NAALADL2: variants seen among roughly 807,000 people sequenced by gnomAD.
NAALADL2 encodes inactive N-acetylated-alpha-linked acidic dipeptidase-like protein 2.
In NAALADL2, 76 loss-of-function variants were observed where a neutral mutation model predicts 87.2. That is an observed-to-expected ratio of 0.87 (90% CI 0.72 to 1.05). The LOEUF is 1.05. Among genes scored for constraint, NAALADL2 ranks in the 50% least tolerant of loss-of-function variants. The pLI is 0.00. For missense variants in NAALADL2, 1,089 were observed against 945.8 expected, an observed-to-expected ratio of 1.15 and a Z score of -1.99; for synonymous variants, 354 against 331.0, an observed-to-expected ratio of 1.07 and a Z score of -0.75.
At chr3:175,071,064 GT>G (rs1715541776) in intron 1 of NAALADL2, among the ~76,000 whole-genome samples, 1 of 152,026 alleles carries the variant, frequency 6.6e-6, no homozygotes, top group African/African-American at 2.4e-5. Context: ...TTCTCTTGAT[GT>G]TACAACAGTG....
intron 1 of NAALADL2, among the ~76,000 whole-genome samples, chr3:174,989,815 G>A (rs1297349006): frequency 1.3e-5 from 2 of 152,090 alleles, no homozygotes; most frequent in East Asian, 3.9e-4. Flanking sequence ...GGATATAGAA[G>A]AACCAGGAAT....
At chr3:175,057,020 G>A (rs1712351480) in intron 1 of NAALADL2, among the ~76,000 whole-genome samples, 1 of 152,142 alleles carries the variant, frequency 6.6e-6, no homozygotes, top group Admixed American at 6.6e-5. Flanking sequence ...GTTCCCAACA[G>A]CATTTTCATT....
At chr3:175,337,927 T>C (rs1762160874) in intron 5 of NAALADL2, among the ~76,000 whole-genome samples, 2 of 152,202 alleles carry the variant, frequency 1.3e-5, no homozygotes, top group Non-Finnish European at 1.5e-5. Flanking sequence ...GACAAGTTAG[T>C]ATAACGAGTA....
At chr3:175,665,926 T>C (rs1357413869) in intron 11 of NAALADL2, among the ~76,000 whole-genome samples, 2 of 147,598 alleles carry the variant, frequency 1.4e-5, no homozygotes, top group East Asian at 4.0e-4. Flanking sequence ...TGGGACTCTG[T>C]CCCCCCCCCA....
upstream of NAALADL2, among the ~76,000 whole-genome samples, chr3:174,854,691 T>G (rs1725648967): frequency 6.6e-6 from 1 of 151,936 alleles, no homozygotes; most frequent in Non-Finnish European, 1.5e-5. Flanking sequence ...AGAATAAAAT[T>G]ATTTTTAAAG....
At chr3:174,817,078 G>T (rs1391362066) in intron 3 of NAALADL2, among the ~76,000 whole-genome samples, 2 of 152,058 alleles carry the variant, frequency 1.3e-5, no homozygotes, top group Non-Finnish European at 1.5e-5. Context: ...TATTTCCTTT[G>T]GTTACTTTGG....
At chr3:174,786,597 AT>A (rs1031879052) in intron 3 of NAALADL2, among the ~76,000 whole-genome samples, 32 of 138,800 alleles carry the variant, frequency 2.3e-4, no homozygotes, top group African/African-American at 6.7e-4. Context: ...TAATACTGAG[AT>A]TTTTTTTGTT....
intron 10 of NAALADL2, among the ~76,000 whole-genome samples, chr3:175,623,972 T>C (rs1165484815): frequency 6.6e-6 from 1 of 151,610 alleles, no homozygotes; most frequent in Non-Finnish European, 1.5e-5. Flanking sequence ...GGGAATATTA[T>C]TATTTTTTTC....
intron 2 of NAALADL2, among the ~76,000 whole-genome samples, chr3:174,723,669 T>C (rs1339981314): frequency 7.3e-6 from 1 of 136,836 alleles, no homozygotes; most frequent in Non-Finnish European, 1.5e-5. Context: ...GGCAGGAGAA[T>C]GGCGTGAAAC....
chr3:175,043,582 T>C (rs1754336593), intron 1 of NAALADL2, among the ~76,000 whole-genome samples: 1 of 152,168 alleles, frequency 6.6e-6, no homozygotes, highest in African/African-American at 2.4e-5. Flanking sequence ...GGATCCAATT[T>C]TAATTTTTTA....
intron 1 of NAALADL2, among the ~76,000 whole-genome samples, chr3:175,077,371 C>T (rs1198868157): frequency 6.6e-6 from 1 of 152,092 alleles, no homozygotes; most frequent in Non-Finnish European, 1.5e-5. Context: ...AGGAAAACAA[C>T]AATAATGTAC....
chr3:175,362,836 C>T (rs1200797715), intron 5 of NAALADL2, among the ~76,000 whole-genome samples: 2 of 147,612 alleles, frequency 1.4e-5, no homozygotes, highest in Non-Finnish European at 3.0e-5. Flanking sequence ...GCATCCATGC[C>T]AACATCTGTT....
intron 2 of NAALADL2, among the ~76,000 whole-genome samples, chr3:174,625,510 A>C (rs1304355101): frequency 6.6e-6 from 1 of 151,980 alleles, no homozygotes; most frequent in Admixed American, 6.6e-5. Context: ...TTTTTGTAAA[A>C]TAACACTAAC....
chr3:175,011,795 C>T (rs1225204940), intron 1 of NAALADL2, among the ~76,000 whole-genome samples: 1 of 152,084 alleles, frequency 6.6e-6, no homozygotes, highest in Non-Finnish European at 1.5e-5. Flanking sequence ...AGTTATGTTC[C>T]CTCCAGTTTT....
chr3:174,889,870 A>C lies in NAALADL2; in HGVS notation c.43+30420A>C, dbSNP rs936527043. On this transcript the variant is annotated intron_variant, in intron 1 of 13. Coordinates refer to ENST00000454872, the MANE Select transcript of NAALADL2 (RefSeq NM_207015.3). Reference sequence around the variant, plus strand: ...AGACAGTCTTCTTAATGCTAAAGCAACTGTGAAATAAGTTTCTTTTCAGTT... The same window carrying C: ...AGACAGTCTTCTTAATGCTAAAGCACCTGTGAAATAAGTTTCTTTTCAGTT... Among the ~76,000 whole-genome samples the C allele has an allele frequency of 7.9e-5, 12 of 152,334 alleles. No individual in the cohort carries two copies. In the East Asian group the frequency reaches 2.1e-3, roughly 27 times the overall value.
chr3:175,072,693 T>TGGGGGGA (rs1215436509), intron 1 of NAALADL2, among the ~76,000 whole-genome samples: 6,522 of 76,626 alleles, frequency 0.085, 329 homozygotes, highest in Admixed American at 0.18. Flanking sequence ...AAAAACGGGG[T>TGGGGGGA]GGGGGGAGGG....
At chr3:174,694,857 A>G (rs1353219041) in intron 2 of NAALADL2, among the ~76,000 whole-genome samples, 2 of 152,054 alleles carry the variant, frequency 1.3e-5, no homozygotes, top group Non-Finnish European at 2.9e-5. Context: ...TAAAAGGTTA[A>G]GTACTGCCCA....
intron 10 of NAALADL2, among the ~76,000 whole-genome samples, chr3:175,619,410 C>T (rs978117036): frequency 2.0e-5 from 3 of 151,544 alleles, no homozygotes; most frequent in Non-Finnish European, 4.4e-5. Context: ...AAAAAATAAT[C>T]CATTGCATAG....
chr3:174,619,788 A>C (rs959274144), intron 2 of NAALADL2, among the ~76,000 whole-genome samples: 4 of 151,958 alleles, frequency 2.6e-5, no homozygotes, highest in African/African-American at 9.6e-5. Context: ...TTTAGGGTTT[A>C]TTTTCTTATT....
Sources: gnomAD v4.1 joint callset for allele counts (sites outside exome capture counted in the v4.1 genomes callset) on GRCh38, gnomAD v4.1.1 for gene constraint, MANE v1.5 for transcripts, NCBI Gene and HGNC (gene_info 2026-07-23, HGNC 2026-07-21) for gene names.